The following DLGAP1 variants were observed in gnomAD, a reference collection of about 807,000 sequenced individuals.
The protein encoded by DLGAP1 is DLG associated protein 1, also known as disks large-associated protein 1.
DLGAP1 carries 11 observed loss-of-function variants against 90.8 expected under a neutral mutation model. That is an observed-to-expected ratio of 0.12 (90% confidence interval 0.08 to 0.20). The LOEUF is 0.20. DLGAP1 is among the 10% of genes least tolerant of loss of function. DLGAP1 has a pLI of 1.00. For synonymous variants in DLGAP1, 558 were observed against 540.7 expected (o/e 1.03, Z -0.44); for missense variants, 1,050 against 1,333.8 (o/e 0.79, Z 3.31).
chr18:4,204,706 AC>A (rs763856626), intron 1 of DLGAP1, among the ~76,000 whole-genome samples: 8 of 152,172 alleles, frequency 5.3e-5, no homozygotes, highest in Non-Finnish European at 1.2e-4. Context: ...AAACAGGAAT[AC>A]ATTTGAAATG....
intron 1 of DLGAP1, among the ~76,000 whole-genome samples, chr18:4,259,072 G>T (rs549281716): frequency 1.3e-5 from 2 of 152,324 alleles, no homozygotes; most frequent in African/African-American, 4.8e-5. Flanking sequence ...ATACGTGCAG[G>T]ACATCCGTGA....
At chr18:3,765,139 T>C (rs932801043) in intron 5 of DLGAP1, among the ~76,000 whole-genome samples, 1 of 140,808 alleles carries the variant, frequency 7.1e-6, no homozygotes, top group Non-Finnish European at 1.5e-5. Flanking sequence ...TCTTTTTTTT[T>C]TTTTTTGAGA....
intron 3 of DLGAP1, among the ~76,000 whole-genome samples, chr18:3,952,063 A>C (rs1170571620): frequency 6.6e-6 from 1 of 152,182 alleles, no homozygotes; most frequent in African/African-American, 2.4e-5. Flanking sequence ...AACGTAGAGA[A>C]ATTTCTATAA....
At chr18:3,628,734 T>C (rs2058408313) in intron 7 of DLGAP1, among the ~76,000 whole-genome samples, 1 of 152,226 alleles carries the variant, frequency 6.6e-6, no homozygotes, top group African/African-American at 2.4e-5. Flanking sequence ...AAAAGAAGCT[T>C]ACTACATATA....
rs911204128 is a variant in DLGAP1 at position 4,342,644 on chromosome 18, T to G, written c.-267+112362A>C. ...AGGGAAATTAGCTCTATTGAAAATGTATTTGTTTTGGTTTTGGTTAATACT... is the reference window on the plus strand; with the variant it reads ...AGGGAAATTAGCTCTATTGAAAATGGATTTGTTTTGGTTTTGGTTAATACT... On this transcript the variant is annotated intron_variant, in intron 1 of 12. Transcript: ENST00000315677. This position sits in a 1 kb window ranked among gnomAD's most constrained non-coding sequence, Gnocchi z 5.8. 3.3e-5 allele frequency among the ~76,000 whole-genome samples: 5 copies of G among 152,198 alleles called. No individual in the cohort carries two copies. Among genetic ancestry groups the G allele is most frequent in the Non-Finnish European group, 7.4e-5 (5 of 68,024 alleles).
chr18:4,142,980 C>T (rs1189152467), intron 2 of DLGAP1, among the ~76,000 whole-genome samples: 1 of 152,168 alleles, frequency 6.6e-6, no homozygotes, highest in Non-Finnish European at 1.5e-5. Context: ...GAGTCTTTCT[C>T]TGTGCTGAGC....
At chr18:3,684,057 T>C (rs1203605748) in intron 7 of DLGAP1, among the ~76,000 whole-genome samples, 1 of 152,136 alleles carries the variant, frequency 6.6e-6, no homozygotes, top group East Asian at 1.9e-4. Flanking sequence ...CAAGGTGATG[T>C]TTGATCCAGC....
At chr18:3,963,208 A>G (rs952308046) in intron 3 of DLGAP1, among the ~76,000 whole-genome samples, 20 of 152,260 alleles carry the variant, frequency 1.3e-4, no homozygotes, top group Non-Finnish European at 2.6e-4. Context: ...CTCACTTCAG[A>G]ATACCCACTT....
intron 3 of DLGAP1, among the ~76,000 whole-genome samples, chr18:3,993,778 CAAATCAGGGTGCAGCAACA>C (rs1297272952): frequency 1.3e-5 from 2 of 152,000 alleles, no homozygotes; most frequent in South Asian, 2.1e-4. Flanking sequence ...CAAGCTTCCC[CAAATCAGGGTGCAGCAACA>C]AAATCAGGGT....
chr18:3,674,320 TTA>T (rs2060217049), intron 7 of DLGAP1, among the ~76,000 whole-genome samples: 1 of 147,116 alleles, frequency 6.8e-6, no homozygotes. Context: ...TATGTATATT[TTA>T]AAAAATGCTG....
chr18:3,794,935 C>G (rs529694259), intron 5 of DLGAP1, among the ~76,000 whole-genome samples: 2 of 152,214 alleles, frequency 1.3e-5, no homozygotes, highest in Non-Finnish European at 2.9e-5. Context: ...CACTGCGAAG[C>G]CTTAGGCATT....
intron 3 of DLGAP1, among the ~76,000 whole-genome samples, chr18:3,937,505 C>G (rs1235050312): frequency 6.6e-6 from 1 of 152,146 alleles, no homozygotes; most frequent in Non-Finnish European, 1.5e-5. Flanking sequence ...TGACCCCGCC[C>G]TTGATACAGG....
intron 7 of DLGAP1, among the ~76,000 whole-genome samples, chr18:3,602,593 C>CAAAAAA (rs71159102): frequency 9.0e-5 from 6 of 66,678 alleles, no homozygotes; most frequent in Non-Finnish European, 1.6e-4. Flanking sequence ...AGACTCCGTC[C>CAAAAAA]AAAAAAAAAA....
chr18:4,221,171 TC>T (rs2078067886), intron 1 of DLGAP1, among the ~76,000 whole-genome samples: 1 of 152,146 alleles, frequency 6.6e-6, no homozygotes, highest in Non-Finnish European at 1.5e-5. Flanking sequence ...GTAACTTGAA[TC>T]CTATGTTTTC....
chr18:4,137,993 G>A (rs572461584), intron 2 of DLGAP1, among the ~76,000 whole-genome samples: 3 of 152,166 alleles, frequency 2.0e-5, no homozygotes, highest in African/African-American at 4.8e-5. Context: ...TTTATCAGTT[G>A]TAATAGTTTT....
chr18:3,926,409 T>TACAC (rs1325582316), intron 3 of DLGAP1, among the ~76,000 whole-genome samples: 5 of 36,006 alleles, frequency 1.4e-4, no homozygotes, highest in African/African-American at 3.4e-4. Flanking sequence ...GACATATATA[T>TACAC]ATATATATAT....
intron 3 of DLGAP1, among the ~76,000 whole-genome samples, chr18:3,914,448 T>G (rs1334805392): frequency 6.6e-6 from 1 of 152,206 alleles, no homozygotes; most frequent in East Asian, 1.9e-4. Flanking sequence ...CTTTATCCAT[T>G]CATTGTTGAT....
At chr18:3,628,409 T>A (rs1218429972) in intron 7 of DLGAP1, among the ~76,000 whole-genome samples, 1 of 150,722 alleles carries the variant, frequency 6.6e-6, no homozygotes, top group Non-Finnish European at 1.5e-5. Flanking sequence ...AGGGGTCTTG[T>A]ACTCCTGACC....
At chr18:4,152,456 C>G (rs1369095414) in intron 1 of DLGAP1, among the ~76,000 whole-genome samples, 2 of 152,056 alleles carry the variant, frequency 1.3e-5, no homozygotes, top group East Asian at 3.9e-4. Flanking sequence ...TGAATAGGCA[C>G]AGAGGCAGAG....
Sources: allele counts gnomAD v4.1 joint callset (sites outside exome capture counted in the v4.1 genomes callset), GRCh38; gene constraint gnomAD v4.1.1; non-coding constraint Gnocchi (gnomAD v3.1); transcripts MANE v1.5; gene names NCBI Gene and HGNC (gene_info 2026-07-23, HGNC 2026-07-21).